KLHL11: variants seen among roughly 807,000 people sequenced by gnomAD.
KLHL11 encodes kelch like family member 11.
A neutral mutation model predicts 56.1 loss-of-function variants in KLHL11; 26 were observed. The observed-to-expected ratio is 0.46, with a 90% confidence interval of 0.34 to 0.64. KLHL11 has a LOEUF of 0.64. KLHL11 is among the 30% of genes least tolerant of loss of function. The pLI is 0.01. For synonymous variants in KLHL11, 338 were observed against 345.8 expected, an observed-to-expected ratio of 0.98 and a Z score of 0.25; for missense variants, 627 against 919.4, an observed-to-expected ratio of 0.68 and a Z score of 4.11.
chr17:41,855,903 G>T (rs1555622484), intron 1 of KLHL11, among the ~76,000 whole-genome samples: 1 of 150,162 alleles, frequency 6.7e-6, no homozygotes, highest in African/African-American at 2.5e-5. Context: ...TCGAACTCTT[G>T]ACTTCAAAGT....
intron 1 of KLHL11, among the ~76,000 whole-genome samples, chr17:41,861,200 T>C (rs1047356025): frequency 1.3e-5 from 2 of 152,228 alleles, no homozygotes; most frequent in Admixed American, 1.3e-4. Flanking sequence ...GGACAGCCTG[T>C]GCTTGCCAGG....
Position 41,855,285 on chromosome 17 carries a change from T to C in KLHL11, c.582A>G (p.Glu194=). The change falls in exon 2 of 2, where the codon GAA becomes GAG. Residue 194 remains glutamate (E), a synonymous_variant. Coordinates refer to ENST00000319121, the MANE Select transcript of KLHL11 (RefSeq NM_018143.3). The part of the protein sequence containing the change: ...LLIRLKEFCG[E]FLKKKLHLSN... The stretch of plus-strand genomic sequence containing the variant: ...AGAGATGAAGTTTTTTCTTGAGAAA[T>C]TCTCCACAAAATTCTTTTAAACGAA... 6.3e-7 allele frequency: 1 copy of C among 1,591,682 alleles called. No individual in the cohort carries two copies. Among genetic ancestry groups the C allele is most frequent in the African/African-American group, 1.3e-5 (1 of 74,388 alleles).
chr17:41,862,021 A>G (rs1309642471), intron 1 of KLHL11, among the ~76,000 whole-genome samples: 3 of 152,078 alleles, frequency 2.0e-5, no homozygotes, highest in Non-Finnish European at 4.4e-5. Flanking sequence ...CAGAGTTGAC[A>G]CGACTGGCTA....
chr17:41,864,126 C>A (rs1275922487), intron 1 of KLHL11, among the ~76,000 whole-genome samples: 1 of 152,234 alleles, frequency 6.6e-6, no homozygotes, highest in Non-Finnish European at 1.5e-5. Flanking sequence ...ATGATAATTG[C>A]CAAAACAAAC....
At chr17:41,861,038 C>G (rs2048399300) in intron 1 of KLHL11, among the ~76,000 whole-genome samples, 2 of 152,176 alleles carry the variant, frequency 1.3e-5, no homozygotes, top group Non-Finnish European at 2.9e-5. Context: ...TTCTCTGAGG[C>G]CTCCCCTTAC....
rs2144150717 is a variant in KLHL11, at chr17:41,853,278, CTATT to C, written c.*458_*461del. Among the ~76,000 whole-genome samples, 1 of 152,320 alleles carries C rather than the reference CTATT, an allele frequency of 6.6e-6. No individual in the cohort carries two copies. Among genetic ancestry groups the C allele is most frequent in the South Asian group, 2.1e-4 (1 of 4,828 alleles). ...TGTTTTCATTCAAATTTCAGTCTCA[CTATT>C]GCACATGCCTCCTGCAGATGAGGGC... On this transcript the variant is annotated 3_prime_UTR_variant, in exon 2 of 2. Transcript: ENST00000319121.
At chr17:41,861,952 A>G (rs551027055) in intron 1 of KLHL11, among the ~76,000 whole-genome samples, 1 of 152,288 alleles carries the variant, frequency 6.6e-6, no homozygotes, top group East Asian at 1.9e-4. Context: ...TTTATAAAGC[A>G]AGGCTTAACA....
At position 41,855,190 on chromosome 17, in the gene KLHL11, T is replaced by G; in HGVS notation, c.677A>C (p.Asp226Ala). 1 of 1,614,174 alleles carries G rather than the reference T, an allele frequency of 6.2e-7. No individual in the cohort carries two copies. The highest frequency in any genetic ancestry group is 8.5e-7 in the Non-Finnish European group (1 of 1,180,032). ...TTTGTGGAAATTTCTCCGTATCATA[T>G]CAGCAGCCTTCAGAGCAAGTTGGCT... ...TLSQLALKAA[D>A]MIRRNFHKVI... Residue 226 changes from aspartate to alanine, a missense_variant, in exon 2 of 2, where the codon GAT becomes GCT. Transcript: ENST00000319121.
In KLHL11 at chr17:41,864,781, C is replaced by A. The variant is rs369753403; in HGVS notation, c.545+45G>T. ...CCCCTCCGCCAGCGAGCATCTCCCC[C>A]TCTCCGCGCCCGCCGCCCTCCGCGC... On this transcript the variant is annotated intron_variant, in intron 1 of 1. Transcript: ENST00000319121. The A allele has an allele frequency of 1.0e-5, 15 of 1,479,612 alleles. 1 individual carries two copies. The Middle Eastern group carries it at 5.5e-4, about 54-fold the overall frequency. 91.7% of individuals were successfully genotyped at this position (1,479,612 alleles called of 1,614,324 possible).
At position 41,854,828 on chromosome 17, in the gene KLHL11, G is replaced by A. The variant is rs2048354906; in HGVS notation, c.1039C>T (p.His347Tyr). The A allele has an allele frequency of 3.7e-6, 6 of 1,614,198 alleles. No homozygotes were observed. In the East Asian group the frequency reaches 1.1e-4, roughly 30 times the overall value. ...QSGTCQHPTS[H>Y]VSLLPRYGQN... ...CCATAACGAGGCAATAGTGACACATGAGAAGTGGGGTGCTGGCATGTGCCA... is the reference window on the plus strand; with the variant it reads ...CCATAACGAGGCAATAGTGACACATAAGAAGTGGGGTGCTGGCATGTGCCA... The change falls in exon 2 of 2, where the codon CAT (histidine) becomes TAT (tyrosine). Residue 347 changes from histidine to tyrosine, a missense_variant. Coordinates refer to ENST00000319121, the MANE Select transcript of KLHL11 (RefSeq NM_018143.3). The surrounding 1 kb of genome is among the most constrained non-coding windows in gnomAD (Gnocchi z 4.9).
Position 41,851,772 on chromosome 17 carries a change from G to T in KLHL11, c.*1968C>A, listed in dbSNP as rs1373313964. On this transcript the variant is annotated 3_prime_UTR_variant, in exon 2 of 2. Transcript: ENST00000319121. ...AATACAAAAAAAAAATTAGCTGGGCGTGGTGGCGCGTGCCCATAGTCCCAG... is the reference window on the plus strand; with the variant it reads ...AATACAAAAAAAAAATTAGCTGGGCTTGGTGGCGCGTGCCCATAGTCCCAG... 1.3e-5 allele frequency among the ~76,000 whole-genome samples: 2 copies of T among 151,706 alleles called. No homozygotes were observed. The highest frequency in any genetic ancestry group is 2.1e-4 in the South Asian group (1 of 4,784).
At chr17:41,858,161 T>A (rs1286062535) in intron 1 of KLHL11, among the ~76,000 whole-genome samples, 10 of 150,190 alleles carry the variant, frequency 6.7e-5, no homozygotes, top group African/African-American at 2.4e-4. Context: ...CAAAGGCAAA[T>A]CCCTATCCAA....
rs998240793 is a variant in KLHL11 at position 41,852,867 on chromosome 17, C to G, written c.*873G>C. Among the ~76,000 whole-genome samples the G allele has an allele frequency of 3.3e-5, 5 of 151,840 alleles. No individual in the cohort carries two copies. The East Asian group carries it at 9.7e-4, about 29-fold the overall frequency. ...AATTAAAATGGAAGGCATTGAGTGT[C>G]GATTGTCATAGGCATTATTTACACT... is the stretch of plus-strand genomic sequence containing the variant. On this transcript the variant is annotated 3_prime_UTR_variant, in exon 2 of 2. Transcript: ENST00000319121.
At position 41,851,855 on chromosome 17, in the gene KLHL11, G is replaced by A. The variant is rs1006044387; in HGVS notation, c.*1885C>T. Among the ~76,000 whole-genome samples, 2 of 151,420 alleles carry A rather than the reference G, an allele frequency of 1.3e-5. No individual in the cohort carries two copies. The highest frequency in any genetic ancestry group is 4.9e-5 in the African/African-American group (2 of 41,132). ...GCATCCAGGAGGTGGAGGTTGTAGTGAGCCGAGATCATACCACTGTACTCC... is the reference window on the plus strand; with the variant it reads ...GCATCCAGGAGGTGGAGGTTGTAGTAAGCCGAGATCATACCACTGTACTCC... On this transcript the variant is annotated 3_prime_UTR_variant, in exon 2 of 2. Transcript: ENST00000319121.
rs572537199 is a variant in KLHL11 at position 41,855,448 on chromosome 17, G to A, written c.546-127C>T. On this transcript the variant is annotated intron_variant, in intron 1 of 1. Coordinates refer to ENST00000319121, the MANE Select transcript of KLHL11 (RefSeq NM_018143.3). ...GGTTGGAGTGCAGTGGCGTGATCTCGGCTCACTGCAACCTCTACCTCCTGG... is the reference window on the plus strand; with the variant it reads ...GGTTGGAGTGCAGTGGCGTGATCTCAGCTCACTGCAACCTCTACCTCCTGG... 75 of 645,706 alleles carry A rather than the reference G, an allele frequency of 1.2e-4. No individual in the cohort carries two copies. In the East Asian group the frequency reaches 1.4e-3, roughly 12 times the overall value. 40.0% of individuals were successfully genotyped at this position (645,706 alleles called of 1,614,324 possible). A position where few individuals can be genotyped will look rare whatever the true frequency, so the allele number is the denominator to read the frequency against.
At chr17:41,861,639 T>C (rs955388155) in intron 1 of KLHL11, among the ~76,000 whole-genome samples, 13 of 135,306 alleles carry the variant, frequency 9.6e-5, no homozygotes, top group Admixed American at 3.4e-4. Context: ...TGAGCCGAGA[T>C]TGCGACATTG....
At chr17:41,864,048 T>C (rs1327343557) in intron 1 of KLHL11, among the ~76,000 whole-genome samples, 1 of 152,208 alleles carries the variant, frequency 6.6e-6, no homozygotes, top group South Asian at 2.1e-4. Flanking sequence ...CCTAGCACCT[T>C]AGAATCCCGC....
intron 1 of KLHL11, among the ~76,000 whole-genome samples, chr17:41,861,184 A>C (rs578130752): frequency 6.6e-6 from 1 of 152,328 alleles, no homozygotes; most frequent in Admixed American, 6.5e-5. Flanking sequence ...TTTCACCTGC[A>C]TAACAGGACA....
chr17:41,852,777 G>GAAAAAAA lies in KLHL11; in HGVS notation c.*962_*963insTTTTTTT, dbSNP rs2048339486. Among the ~76,000 whole-genome samples the GAAAAAAA allele has an allele frequency of 9.9e-6, 1 of 101,356 alleles. No homozygotes were observed. Among genetic ancestry groups the GAAAAAAA allele is most frequent in the Non-Finnish European group, 1.9e-5 (1 of 51,868 alleles). 66.5% of individuals were successfully genotyped at this position (101,356 alleles called of 152,430 possible). On this transcript the variant is annotated 3_prime_UTR_variant, in exon 2 of 2. Transcript: ENST00000319121. ...CTGCACTCCAGCCTGGGCAACATGAGCAAAAAAAAAAAAAAAAAGAGAAAA... is the reference window on the plus strand; with the variant it reads ...CTGCACTCCAGCCTGGGCAACATGAGAAAAAAACAAAAAAAAAAAAAAAAAGAGAAAA...
Sources: allele counts gnomAD v4.1 joint callset (sites outside exome capture counted in the v4.1 genomes callset), GRCh38; gene constraint gnomAD v4.1.1; non-coding constraint Gnocchi (gnomAD v3.1); transcripts MANE v1.5; gene names NCBI Gene and HGNC (gene_info 2026-07-23, HGNC 2026-07-21).